ABCA12: variants seen among roughly 807,000 people sequenced by gnomAD.
The protein encoded by ABCA12 is glucosylceramide transporter ABCA12.
Under a neutral mutation model 293.5 loss-of-function variants are expected in ABCA12, and 156 were observed. That is an observed-to-expected ratio of 0.53 (90% CI 0.47 to 0.61). The LOEUF (loss-of-function observed/expected upper bound fraction) is 0.61, where lower values mean the gene tolerates loss of function less well. Ranked by LOEUF, ABCA12 falls within the 20% of genes least tolerant of loss-of-function variation. ABCA12 has a pLI of 0.00. For missense variants in ABCA12, 2,797 were observed against 3,090.2 expected, an observed-to-expected ratio of 0.91 and a Z score of 2.25; for synonymous variants, 1,063 against 1,108.0, an observed-to-expected ratio of 0.96 and a Z score of 0.81.
intron 14 of ABCA12, among the ~76,000 whole-genome samples, chr2:215,016,698 C>A (rs1700514206): frequency 6.9e-6 from 1 of 144,948 alleles, no homozygotes. Flanking sequence ...AAATCTTAGG[C>A]AATATACTCT....
chr2:215,105,385 G>A (rs1173638932), intron 2 of ABCA12, among the ~76,000 whole-genome samples: 1 of 152,006 alleles, frequency 6.6e-6, no homozygotes, highest in Non-Finnish European at 1.5e-5. Context: ...GACGTGTGGA[G>A]GACATTCAGA....
At position 215,045,858 on chromosome 2, in the gene ABCA12, T is replaced by C; in HGVS notation, c.851A>G (p.Asp284Gly). 6.2e-7 allele frequency: 1 copy of C among 1,613,530 alleles called. No individual in the cohort carries two copies. Among genetic ancestry groups the C allele is most frequent in the South Asian group, 1.1e-5 (1 of 91,052 alleles). ...QNDTSLSNLF[D>G]VLRKANSVLL... ...TTACCTGTTTGCCTTTCGAAGAACATCAAATAGATTGCTTAGTGATGTGTC... is the reference window on the plus strand; with the variant it reads ...TTACCTGTTTGCCTTTCGAAGAACACCAAATAGATTGCTTAGTGATGTGTC... The change falls in exon 7 of 53, where the codon GAT (aspartate) becomes GGT (glycine). Residue 284 changes from aspartate to glycine, a missense_variant. By Grantham distance (94) the Asp-to-Gly change is moderately conservative. Transcript: ENST00000272895.
chr2:215,101,359 T>G (rs1202181834), intron 2 of ABCA12, among the ~76,000 whole-genome samples: 1 of 152,122 alleles, frequency 6.6e-6, no homozygotes, highest in Non-Finnish European at 1.5e-5. Context: ...AACTCTCTGG[T>G]CCTCAACACC....
chr2:215,011,381 G>T, intron 17 of ABCA12, 58 bp downstream of exon 17: 4 of 1,257,260 alleles, frequency 3.2e-6, no homozygotes, highest in South Asian at 1.2e-5. Flanking sequence ...AGACAGAATA[G>T]ACAGTATTCT....
At chr2:215,031,765 T>C (rs1700882407) in intron 9 of ABCA12, 56 bp downstream of exon 9, 1 of 1,604,458 alleles carries the variant, frequency 6.2e-7, no homozygotes, top group East Asian at 2.2e-5. Context: ...TAGAAATTGT[T>C]TTGATTGTTT....
At chr2:215,040,263 A>G (rs1479484341) in intron 7 of ABCA12, among the ~76,000 whole-genome samples, 1 of 152,216 alleles carries the variant, frequency 6.6e-6, no homozygotes, top group African/African-American at 2.4e-5. Context: ...TATTCTATCA[A>G]AAAGGCAAAC....
intron 1 of ABCA12, among the ~76,000 whole-genome samples, chr2:215,134,334 A>ATGTG (rs1703134568): frequency 6.9e-6 from 1 of 144,164 alleles, no homozygotes; most frequent in Non-Finnish European, 1.5e-5. Context: ...ATATATGTAC[A>ATGTG]TATATATGTA....
At position 214,978,366 on chromosome 2, in the gene ABCA12, G is replaced by A. The variant is rs765754176; in HGVS notation, c.5078C>T (p.Ser1693Leu). 2 of 1,614,056 alleles carry A rather than the reference G, an allele frequency of 1.2e-6. No homozygotes were observed. Among genetic ancestry groups the A allele is most frequent in the Non-Finnish European group, 1.7e-6 (2 of 1,179,962 alleles). The change falls in exon 33 of 53, where the codon TCA (serine) becomes TTA (leucine). Residue 1693 changes from serine to leucine, a missense_variant. Physicochemically the swap from Ser to Leu is moderately radical, Grantham distance 145 (BLOSUM62 -2). Transcript: ENST00000272895. ...KIGNSNANGI[S>L]TPDDLSVSSS... Reference sequence around the variant, plus strand: ...GCTCACAGATAAATCGTCAGGAGTTGAGATGCCATTGGCATTGGAATTCCC... The same window carrying A: ...GCTCACAGATAAATCGTCAGGAGTTAAGATGCCATTGGCATTGGAATTCCC...
chr2:215,033,527 C>G (rs1700923335), intron 8 of ABCA12, among the ~76,000 whole-genome samples: 1 of 152,190 alleles, frequency 6.6e-6, no homozygotes, highest in African/African-American at 2.4e-5. Flanking sequence ...TCACTAAGGA[C>G]TATAAAGTAT....
chr2:215,027,039 T>C (rs1700761888), intron 9 of ABCA12, 101 bp from the exon 10 acceptor site: 1 of 887,924 alleles, frequency 1.1e-6, no homozygotes, highest in East Asian at 2.5e-5. Flanking sequence ...TTGGTTGACT[T>C]GGACATTGAA....
intron 47 of ABCA12, 87 bp from the exon 48 acceptor site, chr2:214,947,643 A>T: frequency 6.9e-7 from 1 of 1,448,246 alleles, no homozygotes; most frequent in Non-Finnish European, 9.5e-7. Flanking sequence ...ATGCTCATGA[A>T]AAGAAAATGT....
At chr2:215,120,956 C>A (rs1328725612) in intron 1 of ABCA12, among the ~76,000 whole-genome samples, 2 of 152,152 alleles carry the variant, frequency 1.3e-5, no homozygotes, top group Admixed American at 6.5e-5. Context: ...AGGATGAATT[C>A]TTGTTGTCAA....
Position 215,064,109 on chromosome 2 carries a change from G to C in ABCA12, c.274C>G (p.Leu92Val). 6.2e-7 allele frequency: 1 copy of C among 1,612,948 alleles called. No homozygotes were observed. The change falls in exon 3 of 53, where the codon CTG (leucine) becomes GTG (valine). Residue 92 changes from leucine (L) to valine (V), a missense_variant. This residue lies in a region of ABCA12 where 656 missense variants were observed against 638.2 expected (regional missense o/e 1.03). Coordinates refer to ENST00000272895, the MANE Select transcript of ABCA12 (RefSeq NM_173076.3). ...CKDTPYGPQD[L>V]LRRKGIDDAL... ...TCATCAATTCCTTTCCTACGAAGCA[G>C]ATCTTGTGGGCCATAGGGTGTGTCT...
intron 20 of ABCA12, among the ~76,000 whole-genome samples, chr2:215,003,192 G>A (rs1350941824): frequency 6.6e-6 from 1 of 152,148 alleles, no homozygotes; most frequent in Non-Finnish European, 1.5e-5. Flanking sequence ...GCCAAATTCT[G>A]ATGCTCTCAA....
rs1242639742 is a variant in ABCA12 at position 214,978,445 on chromosome 2, CTT to C, written c.4997_4998del (p.Lys1666ArgfsTer6). 2.5e-6 allele frequency: 4 copies of C among 1,613,512 alleles called. No individual in the cohort carries two copies. Among genetic ancestry groups the C allele is most frequent in the Non-Finnish European group, 3.4e-6 (4 of 1,179,700 alleles). On this transcript the variant is annotated frameshift_variant, in exon 33 of 53. Coordinates refer to ENST00000272895, the MANE Select transcript of ABCA12 (RefSeq NM_173076.3). LOFTEE classifies it high-confidence loss of function. ...CTCATAGCACTATTTTTTTGTGACTCTTTGGTCAAGTTCAGAAAGACCTAGAA... is the reference window on the plus strand; with the variant it reads ...CTCATAGCACTATTTTTTTGTGACTCTGGTCAAGTTCAGAAAGACCTAGAA... ...TVEEVFLNLT[K>X]ESQKNSAMSL... is the part of the protein sequence containing the mutation.
intron 2 of ABCA12, among the ~76,000 whole-genome samples, chr2:215,102,957 C>A (rs1234872054): frequency 6.6e-6 from 1 of 152,158 alleles, no homozygotes; most frequent in Non-Finnish European, 1.5e-5. Flanking sequence ...TTGTAAAATT[C>A]TCTCTTGAAC....
At chr2:215,131,474 T>C (rs1703054354) in intron 1 of ABCA12, among the ~76,000 whole-genome samples, 1 of 152,022 alleles carries the variant, frequency 6.6e-6, no homozygotes, top group South Asian at 2.1e-4. Flanking sequence ...GGGTTGTATG[T>C]TTCCAGGAAT....
chr2:215,061,140 C>T, intron 3 of ABCA12, among the ~76,000 whole-genome samples: 1 of 152,174 alleles, frequency 6.6e-6, no homozygotes, highest in East Asian at 1.9e-4. Context: ...GATGTTGGAT[C>T]ATCTGTTGTG....
chr2:215,068,390 A>G (rs1276941798), intron 2 of ABCA12, among the ~76,000 whole-genome samples: 1 of 152,188 alleles, frequency 6.6e-6, no homozygotes, highest in Non-Finnish European at 1.5e-5. Context: ...TTATAGTATG[A>G]AAGCAGCCAT....
Sources: gnomAD v4.1 joint callset for allele counts (sites outside exome capture counted in the v4.1 genomes callset) on GRCh38, gnomAD v4.1.1 for gene constraint, gnomAD v4.1.1 regional missense constraint, MANE v1.5 for transcripts, NCBI Gene and HGNC (gene_info 2026-07-23, HGNC 2026-07-21) for gene names.